The following NOL10 variants were observed in gnomAD, a reference collection of about 807,000 sequenced individuals.
The protein encoded by NOL10 is H_NH0074G24.1.
In NOL10, 58 loss-of-function variants were observed where a neutral mutation model predicts 103.5. The observed-to-expected ratio is 0.56, with a 90% CI of 0.45 to 0.70. NOL10 has a LOEUF of 0.70. Among genes scored for constraint, NOL10 ranks in the 30% least tolerant of loss-of-function variants. The pLI is 0.00. For missense variants in NOL10, 763 were observed against 807.3 expected, an observed-to-expected ratio of 0.95 and a Z score of 0.67; for synonymous variants, 287 against 282.5, an observed-to-expected ratio of 1.02 and a Z score of -0.16.
chr2:10,622,983 C>T (rs1394651187), intron 13 of NOL10, among the ~76,000 whole-genome samples: 3 of 152,042 alleles, frequency 2.0e-5, no homozygotes, highest in Admixed American at 6.5e-5. Flanking sequence ...CACGAATCAC[C>T]GCACTCTATG....
intron 8 of NOL10, among the ~76,000 whole-genome samples, chr2:10,663,683 G>GCC (rs1680367904): frequency 6.6e-6 from 1 of 151,494 alleles, no homozygotes; most frequent in African/African-American, 2.4e-5. Flanking sequence ...AGGCGCGGTG[G>GCC]CCACGCCTGT....
intron 12 of NOL10, among the ~76,000 whole-genome samples, chr2:10,652,268 G>GA (rs1679524100): frequency 6.8e-6 from 1 of 146,280 alleles, no homozygotes. Flanking sequence ...AAAGAAAAAA[G>GA]AAAAAACAGC....
At chr2:10,634,736 A>G (rs1011773294) in intron 13 of NOL10, among the ~76,000 whole-genome samples, 2 of 152,222 alleles carry the variant, frequency 1.3e-5, no homozygotes, top group African/African-American at 2.4e-5. Context: ...TCCGAAGTCT[A>G]GGACGTTATC....
At chr2:10,596,193 T>C (rs1191286984) in intron 17 of NOL10, among the ~76,000 whole-genome samples, 1 of 131,300 alleles carries the variant, frequency 7.6e-6, no homozygotes, top group Admixed American at 9.1e-5. Context: ...CCTAGAACAG[T>C]GATCCTCAAC....
chr2:10,647,649 T>G (rs761154529), intron 12 of NOL10, among the ~76,000 whole-genome samples: 4 of 152,200 alleles, frequency 2.6e-5, no homozygotes, highest in African/African-American at 4.8e-5. Context: ...CACGCAGAAC[T>G]GTGCCAAAGG....
intron 13 of NOL10, among the ~76,000 whole-genome samples, chr2:10,614,399 C>T (rs1676729915): frequency 6.6e-6 from 1 of 152,144 alleles, no homozygotes; most frequent in East Asian, 1.9e-4. Context: ...GCAGTGAGGC[C>T]CTGGTTCTTT....
chr2:10,585,056 G>A (rs1300077470), intron 19 of NOL10, among the ~76,000 whole-genome samples: 8 of 152,166 alleles, frequency 5.3e-5, no homozygotes, highest in East Asian at 1.9e-4. Flanking sequence ...ATGGGGAAAA[G>A]GAGTCCTTTC....
At chr2:10,682,399 CTTTTT>C (rs761615937) in intron 2 of NOL10, among the ~76,000 whole-genome samples, 37 of 138,504 alleles carry the variant, frequency 2.7e-4, no homozygotes, top group African/African-American at 9.7e-4. Flanking sequence ...CATTAAACCA[CTTTTT>C]TTTTTTTTTT....
At chr2:10,673,398 T>C (rs529974006) in intron 5 of NOL10, 122 bp downstream of exon 5, 142 of 542,650 alleles carry the variant, frequency 2.6e-4, no homozygotes, top group African/African-American at 3.7e-4. Flanking sequence ...TGTTTAACAA[T>C]AGAACTACAC....
chr2:10,656,593 A>C (rs919397355), intron 11 of NOL10, among the ~76,000 whole-genome samples: 1 of 152,222 alleles, frequency 6.6e-6, no homozygotes, highest in Non-Finnish European at 1.5e-5. Flanking sequence ...AAAAAACCAA[A>C]GTAACAGCCC....
intron 13 of NOL10, among the ~76,000 whole-genome samples, chr2:10,628,173 T>G (rs1558302105): frequency 6.6e-6 from 1 of 152,184 alleles, no homozygotes; most frequent in Non-Finnish European, 1.5e-5. Flanking sequence ...TCCTAGATCC[T>G]AAAATCATGC....
intron 13 of NOL10, among the ~76,000 whole-genome samples, chr2:10,633,789 A>ATGTG (rs1484616527): frequency 7.5e-6 from 1 of 133,890 alleles, no homozygotes; most frequent in African/African-American, 2.7e-5. Flanking sequence ...TTTTGTTTAT[A>ATGTG]TGTATGTGTG....
chr2:10,637,866 A>T lies in NOL10; in HGVS notation c.1026+6454T>A, dbSNP rs187756912. ...TTAACCGCCTCATTTGCAGGCTCCA[A>T]GAGTACTTTCCAAATTTTAAATTAA... On this transcript the variant is annotated intron_variant, in intron 13 of 20. Transcript: ENST00000381685. Among the ~76,000 whole-genome samples the T allele has an allele frequency of 1.9e-3, 293 of 152,348 alleles. 2 individuals carry two copies. Among genetic ancestry groups the T allele is most frequent in the African/African-American group, 6.8e-3 (282 of 41,566 alleles).
intron 13 of NOL10, among the ~76,000 whole-genome samples, chr2:10,640,633 C>T (rs892929037): frequency 2.0e-5 from 3 of 152,132 alleles, no homozygotes; most frequent in Non-Finnish European, 4.4e-5. Context: ...CCTCACACTT[C>T]ATACTTCATA....
intron 2 of NOL10, among the ~76,000 whole-genome samples, chr2:10,684,335 C>T (rs1039110093): frequency 2.7e-5 from 4 of 150,892 alleles, no homozygotes; most frequent in African/African-American, 9.7e-5. Context: ...AATCCCAAAA[C>T]TTTGGGAGGC....
At chr2:10,655,720 T>C (rs1412136335) in intron 11 of NOL10, among the ~76,000 whole-genome samples, 3 of 152,178 alleles carry the variant, frequency 2.0e-5, no homozygotes, top group Non-Finnish European at 2.9e-5. Flanking sequence ...GCAATTACAG[T>C]GTGATGATTT....
chr2:10,620,778 T>C (rs1157978586), intron 13 of NOL10, among the ~76,000 whole-genome samples: 3 of 152,124 alleles, frequency 2.0e-5, no homozygotes, highest in African/African-American at 7.2e-5. Flanking sequence ...AAGCAGTGTG[T>C]ATATACTGTT....
chr2:10,603,015 AGGAAAT>A (rs1207551250), intron 15 of NOL10, 57 bp downstream of exon 15: 6 of 1,360,466 alleles, frequency 4.4e-6, no homozygotes, highest in African/African-American at 1.4e-5. Flanking sequence ...GCGAGTAGTG[AGGAAAT>A]GGCCACAGAC....
chr2:10,661,214 T>A (rs541962612), intron 9 of NOL10, among the ~76,000 whole-genome samples: 2 of 152,258 alleles, frequency 1.3e-5, no homozygotes, highest in African/African-American at 4.8e-5. Context: ...TACTTGGGAT[T>A]ACAGGCATGC....
Sources: allele counts gnomAD v4.1 joint callset (sites outside exome capture counted in the v4.1 genomes callset), GRCh38; gene constraint gnomAD v4.1.1; transcripts MANE v1.5; gene names NCBI Gene and HGNC (gene_info 2026-07-23, HGNC 2026-07-21).